The following HS6ST3 variants were observed in gnomAD, a reference collection of about 807,000 sequenced individuals.
HS6ST3 encodes heparan-sulfate 6-O-sulfotransferase 3.
A neutral mutation model predicts 36.7 loss-of-function variants in HS6ST3; 12 were observed. The ratio of observed to expected loss-of-function variants is 0.33; its 90% CI spans 0.21 to 0.53. The LOEUF (loss-of-function observed/expected upper bound fraction) is 0.53, where lower values mean the gene tolerates loss of function less well. Among genes scored for constraint, HS6ST3 ranks in the 20% least tolerant of loss-of-function variants. HS6ST3 has a pLI of 0.95. For synonymous variants in HS6ST3, 240 were observed against 257.5 expected (o/e 0.93, Z 0.65); for missense variants, 584 against 640.9 (o/e 0.91, Z 0.96).
chr13:96,600,020 A>C (rs568964116), intron 1 of HS6ST3, among the ~76,000 whole-genome samples: 1 of 152,020 alleles, frequency 6.6e-6, no homozygotes, highest in Admixed American at 6.6e-5. Context: ...TTGATTTTTA[A>C]AGATTTATTG....
chr13:96,203,025 TC>T (rs2054350871), intron 1 of HS6ST3, among the ~76,000 whole-genome samples: 1 of 152,164 alleles, frequency 6.6e-6, no homozygotes, highest in South Asian at 2.1e-4. Flanking sequence ...ATTTACTCAC[TC>T]CCTCACTCAT....
At chr13:96,329,283 A>G (rs903469578) in intron 1 of HS6ST3, among the ~76,000 whole-genome samples, 30 of 144,742 alleles carry the variant, frequency 2.1e-4, no homozygotes, top group Non-Finnish European at 3.9e-4. Flanking sequence ...CAGGGTGTCA[A>G]TTTTGGATCT....
chr13:96,592,414 G>C (rs2056385939), intron 1 of HS6ST3, among the ~76,000 whole-genome samples: 1 of 151,974 alleles, frequency 6.6e-6, no homozygotes, highest in Admixed American at 6.6e-5. Context: ...TTGGTTCATT[G>C]TTTAGTCTTT....
intron 1 of HS6ST3, among the ~76,000 whole-genome samples, chr13:96,595,814 G>A (rs565668352): frequency 6.7e-6 from 1 of 148,354 alleles, no homozygotes; most frequent in Non-Finnish European, 1.5e-5. Context: ...CTGCTGTGAT[G>A]TTCTCTATTG....
intron 1 of HS6ST3, among the ~76,000 whole-genome samples, chr13:96,724,553 A>T (rs1875950786): frequency 6.6e-6 from 1 of 152,094 alleles, no homozygotes; most frequent in African/African-American, 2.4e-5. Flanking sequence ...TCTAGCAAAC[A>T]CTCATCTGCT....
intron 1 of HS6ST3, among the ~76,000 whole-genome samples, chr13:96,830,834 G>A (rs1365695743): frequency 1.3e-5 from 2 of 152,142 alleles, no homozygotes; most frequent in Non-Finnish European, 2.9e-5. Flanking sequence ...CTATATTTCT[G>A]GAGCTGGCCC....
At chr13:96,337,716 A>G (rs1164767412) in intron 1 of HS6ST3, among the ~76,000 whole-genome samples, 1 of 152,154 alleles carries the variant, frequency 6.6e-6, no homozygotes, top group Non-Finnish European at 1.5e-5. Flanking sequence ...AATCTGAACC[A>G]TTAAAAGAAA....
At chr13:96,586,993 TATC>T (rs2056363824) in intron 1 of HS6ST3, among the ~76,000 whole-genome samples, 2 of 152,200 alleles carry the variant, frequency 1.3e-5, no homozygotes, top group Admixed American at 1.3e-4. Context: ...AAGGGTCTAA[TATC>T]ATTTTTCTAT....
At chr13:96,754,653 A>G (rs942897069) in intron 1 of HS6ST3, among the ~76,000 whole-genome samples, 1 of 152,240 alleles carries the variant, frequency 6.6e-6, no homozygotes, top group Admixed American at 6.5e-5. Context: ...AATTCTCAGC[A>G]CATTGAAGAT....
chr13:96,216,552 C>T (rs898027624), intron 1 of HS6ST3, among the ~76,000 whole-genome samples: 1 of 152,154 alleles, frequency 6.6e-6, no homozygotes, highest in East Asian at 1.9e-4. Context: ...AAGAGATACC[C>T]ATGACTCAAC....
intron 1 of HS6ST3, among the ~76,000 whole-genome samples, chr13:96,748,791 T>G (rs1299438942): frequency 2.6e-5 from 4 of 152,002 alleles, no homozygotes; most frequent in Non-Finnish European, 4.4e-5. Flanking sequence ...TAAATAATAA[T>G]AATTATACTC....
At chr13:96,773,989 G>GA (rs1877332465) in intron 1 of HS6ST3, among the ~76,000 whole-genome samples, 2 of 152,208 alleles carry the variant, frequency 1.3e-5, no homozygotes, top group Non-Finnish European at 2.9e-5. Flanking sequence ...GGAACAGGCA[G>GA]CAATCTTTGC....
chr13:96,212,253 G>A (rs912705789), intron 1 of HS6ST3, among the ~76,000 whole-genome samples: 2 of 152,156 alleles, frequency 1.3e-5, no homozygotes, highest in South Asian at 2.1e-4. Context: ...ACATGAAGGC[G>A]TTATATACGT....
At chr13:96,404,563 T>C (rs769819144) in intron 1 of HS6ST3, among the ~76,000 whole-genome samples, 1 of 152,128 alleles carries the variant, frequency 6.6e-6, no homozygotes, top group African/African-American at 2.4e-5. Flanking sequence ...AGGAGAGGAA[T>C]AGAAGACATT....
chr13:96,163,177 T>C (rs920025828), intron 1 of HS6ST3, among the ~76,000 whole-genome samples: 2 of 152,060 alleles, frequency 1.3e-5, no homozygotes, highest in African/African-American at 4.8e-5. Flanking sequence ...TACAATATTT[T>C]TTCTGTGTTG....
At chr13:96,502,556 T>A (rs938725118) in intron 1 of HS6ST3, among the ~76,000 whole-genome samples, 2 of 152,156 alleles carry the variant, frequency 1.3e-5, no homozygotes, top group African/African-American at 4.8e-5. Context: ...GTAAATTTGA[T>A]GAAGTCCCAG....
chr13:96,489,189 C>T (rs1381910222), intron 1 of HS6ST3, among the ~76,000 whole-genome samples: 1 of 151,766 alleles, frequency 6.6e-6, no homozygotes, highest in East Asian at 1.9e-4. Flanking sequence ...CTCCAAAAAG[C>T]ATTTAAGGTT....
chr13:96,179,827 T>G (rs1425718800), intron 1 of HS6ST3, among the ~76,000 whole-genome samples: 1 of 152,148 alleles, frequency 6.6e-6, no homozygotes, highest in East Asian at 1.9e-4. Flanking sequence ...GCTATTTTAT[T>G]TTATTCTATT....
Position 96,777,239 on chromosome 13 carries a change from T to C in HS6ST3, c.708-55251T>C, listed in dbSNP as rs764928541. Among the ~76,000 whole-genome samples, 10 of 152,202 alleles carry C rather than the reference T, an allele frequency of 6.6e-5. 1 individual carries two copies. The highest frequency in any genetic ancestry group is 6.5e-5 in the Admixed American group (1 of 15,278). On this transcript the variant is annotated intron_variant, in intron 1 of 1. Transcript: ENST00000376705. ...GACAAAGCCATAGCCAATAGCATAC[T>C]GAAGGGGCAAAAGCTGGAAGCATTC... is the stretch of plus-strand genomic sequence containing the variant.
Sources: allele counts gnomAD v4.1 joint callset (sites outside exome capture counted in the v4.1 genomes callset), GRCh38; gene constraint gnomAD v4.1.1; transcripts MANE v1.5; gene names NCBI Gene and HGNC (gene_info 2026-07-23, HGNC 2026-07-21).